The following MMD2 variants were observed in gnomAD, a reference collection of about 807,000 sequenced individuals.
MMD2 encodes monocyte to macrophage differentiation factor 2.
A neutral mutation model predicts 33.5 loss-of-function variants in MMD2; 30 were observed. The observed-to-expected ratio is 0.90, with a 90% CI of 0.67 to 1.22. The LOEUF (loss-of-function observed/expected upper bound fraction) is 1.22. Ranked by LOEUF, MMD2 falls within the 50% of genes most tolerant of loss-of-function variation. The pLI is 0.00. For synonymous variants in MMD2, 129 were observed against 123.0 expected (o/e 1.05, Z -0.32); for missense variants, 364 against 325.4 (o/e 1.12, Z -0.91).
At chr7:4,929,847 T>C (rs1307869736) in intron 1 of MMD2, among the ~76,000 whole-genome samples, 2 of 152,022 alleles carry the variant, frequency 1.3e-5, no homozygotes, top group Non-Finnish European at 2.9e-5. Context: ...AACTAATAAG[T>C]AATAACAACG....
At chr7:4,909,612 T>A in intron 6 of MMD2, 1 of 636,972 alleles carries the variant, frequency 1.6e-6, no homozygotes, top group Non-Finnish European at 2.8e-6. Flanking sequence ...GCTAATTTTT[T>A]TTTTTTTAGA....
At chr7:4,896,330 G>T in the MMD2 span, among the ~76,000 whole-genome samples, 1 of 152,112 alleles carries the variant, frequency 6.6e-6, no homozygotes, top group South Asian at 2.1e-4. Flanking sequence ...AATACAAAAA[G>T]TTAGCTGGGC....
At chr7:4,941,467 T>A (rs554037303) in intron 1 of MMD2, among the ~76,000 whole-genome samples, 1 of 152,018 alleles carries the variant, frequency 6.6e-6, no homozygotes, top group Admixed American at 6.6e-5. Context: ...CTGTCTCTAC[T>A]AAAAATACAA....
chr7:4,924,580 G>A (rs1204793424), intron 2 of MMD2, among the ~76,000 whole-genome samples: 2 of 152,228 alleles, frequency 1.3e-5, no homozygotes, highest in Non-Finnish European at 2.9e-5. Flanking sequence ...AGCTGGCATG[G>A]TGATGGGCCG....
chr7:4,932,034 C>T (rs1400283598), intron 1 of MMD2, among the ~76,000 whole-genome samples: 1 of 152,178 alleles, frequency 6.6e-6, no homozygotes, highest in Admixed American at 6.6e-5. Context: ...CCTCTACCTG[C>T]CACCAGGTGC....
At chr7:4,915,176 T>C (rs2881078) in intron 4 of MMD2, among the ~76,000 whole-genome samples, 103,407 of 151,336 alleles carry the variant, frequency 0.68, 36,822 homozygotes, top group African/African-American at 0.9. Flanking sequence ...GAGGCTGAGG[T>C]GGGAGGATCA....
At chr7:4,913,499 C>G (rs1359954975) in intron 4 of MMD2, among the ~76,000 whole-genome samples, 2 of 151,980 alleles carry the variant, frequency 1.3e-5, no homozygotes, top group Non-Finnish European at 1.5e-5. Context: ...GGTGGATCCA[C>G]CTGTGGTCAG....
At chr7:4,893,131 G>C in the MMD2 span, among the ~76,000 whole-genome samples, 4 of 151,640 alleles carry the variant, frequency 2.6e-5, no homozygotes, top group South Asian at 8.3e-4. Flanking sequence ...GGGTCTACAC[G>C]CACTCCCCTT....
rs1786090768 is a variant in MMD2 at position 4,946,464 on chromosome 7, G to GAGTGA, written c.47+12506_47+12507insTCACT. Among the ~76,000 whole-genome samples the GAGTGA allele has an allele frequency of 6.6e-6, 1 of 152,188 alleles. No individual in the cohort carries two copies. Among genetic ancestry groups the GAGTGA allele is most frequent in the Non-Finnish European group, 1.5e-5 (1 of 68,040 alleles). ...GATGCTGAAGGGAAGTGGGGGTGCA[G>GAGTGA]AGTCTTCACTAAGGGAGGATCTTGA... is the stretch of plus-strand genomic sequence containing the variant. On this transcript the variant is annotated intron_variant, in intron 1 of 6. Coordinates refer to ENST00000401401, the MANE Select transcript of MMD2 (RefSeq NM_198403.4). This position sits in a 1 kb window ranked among gnomAD's most constrained non-coding sequence, Gnocchi z 5.0.
At chr7:4,913,005 G>C (rs1257471653) in intron 4 of MMD2, among the ~76,000 whole-genome samples, 1 of 152,082 alleles carries the variant, frequency 6.6e-6, no homozygotes. Flanking sequence ...GCCTGGCCTG[G>C]AATGAATTTC....
chr7:4,938,670 G>A (rs1785818722), intron 1 of MMD2, among the ~76,000 whole-genome samples: 1 of 152,080 alleles, frequency 6.6e-6, no homozygotes, highest in African/African-American at 2.4e-5. Flanking sequence ...TTGTCGACTT[G>A]GAAAGGCAGA....
rs1289218830 is a variant in MMD2 at position 4,940,789 on chromosome 7, G to A, written c.48-15257C>T. Among the ~76,000 whole-genome samples the A allele has an allele frequency of 6.6e-6, 1 of 152,130 alleles. No homozygotes were observed. Among genetic ancestry groups the A allele is most frequent in the Non-Finnish European group, 1.5e-5 (1 of 68,012 alleles). On this transcript the variant is annotated intron_variant, in intron 1 of 6. Transcript: ENST00000401401. This position sits in a 1 kb window ranked among gnomAD's most constrained non-coding sequence, Gnocchi z 5.0. ...CGGGCTTGCATCTCGTGCCAGAGGC[G>A]CGGGACTCTGGCATGATCTGCAGGA...
At chr7:4,894,212 T>C in the MMD2 span, among the ~76,000 whole-genome samples, 394 of 152,284 alleles carry the variant, frequency 2.6e-3, 2 homozygotes, top group Admixed American at 5.0e-3. This position sits in a 1 kb window ranked among gnomAD's most constrained non-coding sequence, Gnocchi z 4.3. Flanking sequence ...CAGCTGGCTC[T>C]TTCTTTCTCT....
intron 6 of MMD2, 87 bp downstream of exon 6, chr7:4,909,794 G>T: frequency 1.3e-6 from 2 of 1,529,934 alleles, no homozygotes; most frequent in South Asian, 1.2e-5. Context: ...AAAGGAGAGG[G>T]TTTGTGACAA....
At chr7:4,945,350 C>G (rs1786045929) in intron 1 of MMD2, among the ~76,000 whole-genome samples, 1 of 150,534 alleles carries the variant, frequency 6.6e-6, no homozygotes. Context: ...CTCACTGCAA[C>G]CTCTGCCTCC....
intron 1 of MMD2, among the ~76,000 whole-genome samples, chr7:4,941,219 C>A (rs1350753094): frequency 6.6e-6 from 1 of 152,196 alleles, no homozygotes; most frequent in African/African-American, 2.4e-5. Context: ...TCTCACCCAC[C>A]AATCATCTCC....
At chr7:4,944,838 G>C (rs577225457) in intron 1 of MMD2, among the ~76,000 whole-genome samples, 47 of 136,616 alleles carry the variant, frequency 3.4e-4, no homozygotes, top group Non-Finnish European at 5.6e-4. Flanking sequence ...CACGATCTCG[G>C]CTCACTACAA....
chr7:4,913,959 C>T (rs771302081), intron 4 of MMD2, among the ~76,000 whole-genome samples: 3 of 152,016 alleles, frequency 2.0e-5, no homozygotes, highest in Admixed American at 2.0e-4. Context: ...CTGCGCCTGG[C>T]AGGTGGATTT....
At chr7:4,937,910 AAGCACTG>A (rs1360159090) in intron 1 of MMD2, among the ~76,000 whole-genome samples, 1 of 151,368 alleles carries the variant, frequency 6.6e-6, no homozygotes, top group East Asian at 2.0e-4. Context: ...TGGCCTCCCA[AAGCACTG>A]AGATTACAGG....
Sources: allele counts gnomAD v4.1 joint callset (sites outside exome capture counted in the v4.1 genomes callset), GRCh38; gene constraint gnomAD v4.1.1; non-coding constraint Gnocchi (gnomAD v3.1); transcripts MANE v1.5; gene names NCBI Gene and HGNC (gene_info 2026-07-23, HGNC 2026-07-21).